Variants in PIK3C2A observed in about 807,000 individuals in gnomAD.
PIK3C2A encodes the protein phosphatidylinositol-4-phosphate 3-kinase catalytic subunit type 2 alpha.
PIK3C2A carries 97 observed loss-of-function variants against 204.5 expected under a neutral mutation model. The observed-to-expected ratio is 0.47, with a 90% CI of 0.40 to 0.56. PIK3C2A has a LOEUF of 0.56. Among genes scored for constraint, PIK3C2A ranks in the 20% least tolerant of loss-of-function variants. The pLI is 0.00. For synonymous variants in PIK3C2A, 653 were observed against 664.4 expected (o/e 0.98, Z 0.26); for missense variants, 1,735 against 1,969.2 (o/e 0.88, Z 2.25).
intron 20 of PIK3C2A, among the ~76,000 whole-genome samples, chr11:17,113,668 G>C (rs1365068113): frequency 6.6e-6 from 1 of 151,094 alleles, no homozygotes; most frequent in East Asian, 1.9e-4. Flanking sequence ...TGTAATCCCG[G>C]CTACTTGGGA....
At chr11:17,140,307 C>T (rs890130405) in intron 8 of PIK3C2A, among the ~76,000 whole-genome samples, 1 of 152,056 alleles carries the variant, frequency 6.6e-6, no homozygotes, top group Admixed American at 6.6e-5. Context: ...CTTGATCTCC[C>T]CCTAAAATCC....
chr11:17,180,257 A>G (rs1441285010), intron 1 of PIK3C2A, among the ~76,000 whole-genome samples: 2 of 152,020 alleles, frequency 1.3e-5, no homozygotes, highest in Non-Finnish European at 2.9e-5. Context: ...GGCACATGTT[A>G]CTCGGGAGTC....
intron 13 of PIK3C2A, among the ~76,000 whole-genome samples, chr11:17,128,410 T>A (rs1849592466): frequency 6.6e-6 from 1 of 151,744 alleles, no homozygotes; most frequent in Non-Finnish European, 1.5e-5. Flanking sequence ...AGCTAATGTT[T>A]ATATTTTTGG....
rs4757499 is a variant in PIK3C2A, at chr11:17,171,615, C to T, written c.-65-1809G>A. ...TTCCTTCATACAACTATTTTCCCTT[C>T]TGTGGTAGACTACAAAGCATGGGCA... On this transcript the variant is annotated intron_variant, in intron 1 of 32. Coordinates refer to ENST00000691414, the MANE Select transcript of PIK3C2A (RefSeq NM_002645.4). 0.027 allele frequency among the ~76,000 whole-genome samples: 4,037 copies of T among 152,234 alleles called. 545 individuals are homozygous for T. The East Asian group carries it at 0.42, about 16-fold the overall frequency.
At chr11:17,147,367 C>T (rs1164493754) in intron 6 of PIK3C2A, 150 bp downstream of exon 6, 7 of 580,284 alleles carry the variant, frequency 1.2e-5, no homozygotes, top group East Asian at 2.9e-5. Flanking sequence ...AACATCTCCC[C>T]TCATTTGCTA....
At chr11:17,175,197 A>G (rs1174392773) in intron 1 of PIK3C2A, among the ~76,000 whole-genome samples, 1 of 152,232 alleles carries the variant, frequency 6.6e-6, no homozygotes, top group African/African-American at 2.4e-5. Flanking sequence ...AATATATTTT[A>G]ATAGTGAGTA....
At chr11:17,160,901 A>G (rs193217623) in intron 2 of PIK3C2A, among the ~76,000 whole-genome samples, 57 of 152,346 alleles carry the variant, frequency 3.7e-4, no homozygotes, top group Non-Finnish European at 6.5e-4. Context: ...AGGAACAAAA[A>G]AAACAGTTAA....
Position 17,169,613 on chromosome 11 carries a change from T to C in PIK3C2A, c.129A>G (p.Gln43=). 6.2e-7 allele frequency: 1 copy of C among 1,614,126 alleles called. No homozygotes were observed. Among genetic ancestry groups the C allele is most frequent in the Non-Finnish European group, 8.5e-7 (1 of 1,180,022 alleles). The change falls in exon 2 of 33, where the codon CAA becomes CAG. Residue 43 remains glutamine (Q), a synonymous_variant. Transcript: ENST00000691414. ...QMEAEALAKL[Q]KDRQVTDNQR... is the part of the protein sequence containing the mutation. ...GATTGTCAGTCACTTGTCTATCCTT[T>C]TGCAGTTTTGCTAAAGCCTCTGCTT...
intron 21 of PIK3C2A, among the ~76,000 whole-genome samples, chr11:17,110,947 A>G (rs901621919): frequency 1.3e-5 from 2 of 152,032 alleles, no homozygotes; most frequent in Admixed American, 6.6e-5. Flanking sequence ...TTGCTCTATC[A>G]CCCAGGCTGG....
chr11:17,182,205 G>T (rs1721491436), intron 1 of PIK3C2A, among the ~76,000 whole-genome samples: 1 of 151,876 alleles, frequency 6.6e-6, no homozygotes, highest in Admixed American at 6.6e-5. Flanking sequence ...CTAGTGACTG[G>T]TTACCCAAGT....
intron 8 of PIK3C2A, among the ~76,000 whole-genome samples, chr11:17,140,954 G>A (rs1850044262): frequency 6.6e-6 from 1 of 152,118 alleles, no homozygotes; most frequent in Non-Finnish European, 1.5e-5. Flanking sequence ...CCATGCAAAT[G>A]TCACAGGGAA....
intron 11 of PIK3C2A, 77 bp downstream of exon 11, chr11:17,134,742 C>T (rs1475178873): frequency 9.6e-7 from 1 of 1,040,994 alleles, no homozygotes; most frequent in Non-Finnish European, 1.5e-6. Flanking sequence ...GTCAAGCAAT[C>T]CTCCCACTGT....
intron 1 of PIK3C2A, among the ~76,000 whole-genome samples, chr11:17,182,760 C>G (rs1258814859): frequency 6.6e-6 from 1 of 152,092 alleles, no homozygotes; most frequent in Non-Finnish European, 1.5e-5. Context: ...TAGAGTTTCT[C>G]AAATGTTCAT....
intron 1 of PIK3C2A, among the ~76,000 whole-genome samples, chr11:17,170,899 C>G (rs1479395032): frequency 6.6e-6 from 1 of 151,938 alleles, no homozygotes; most frequent in Non-Finnish European, 1.5e-5. Context: ...GTCAGGAGAT[C>G]GAGACCATCC....
Position 17,119,151 on chromosome 11 carries a change from T to A in PIK3C2A, c.2940+69A>T, listed in dbSNP as rs17847722. 166 of 861,412 alleles carry A rather than the reference T, an allele frequency of 1.9e-4. No individual in the cohort carries two copies. In the East Asian group the frequency reaches 4.0e-3, roughly 21 times the overall value. The allele number at this position is 861,412 out of a possible 1,614,324, so 53.4% of individuals were successfully genotyped here. The stretch of plus-strand genomic sequence containing the variant: ...ACTTTTAATCTAAACAGAATGGGGA[T>A]CCCTTAGCAAGTTCCCATAAAAAAC... On this transcript the variant is annotated intron_variant, in intron 17 of 32. Transcript: ENST00000691414.
In PIK3C2A at chr11:17,173,792, C is replaced by T. The variant is rs191821470; in HGVS notation, c.-65-3986G>A. On this transcript the variant is annotated intron_variant, in intron 1 of 32. Transcript: ENST00000691414. ...AATAAGAAACTTAATTTACTGAACA[C>T]GTGGGGTTTGTTTGTTTGTTTGTTT... is the stretch of plus-strand genomic sequence containing the variant. Among the ~76,000 whole-genome samples the T allele has an allele frequency of 7.2e-5, 11 of 152,120 alleles. No individual in the cohort carries two copies. In the East Asian group the frequency reaches 1.2e-3, roughly 16 times the overall value.
At chr11:17,187,374 A>T (rs1851787406) in intron 1 of PIK3C2A, among the ~76,000 whole-genome samples, 1 of 152,158 alleles carries the variant, frequency 6.6e-6, no homozygotes, top group African/African-American at 2.4e-5. Flanking sequence ...GTTTAAAATA[A>T]TAGCTTTATT....
chr11:17,153,983 G>A (rs2137444100), intron 3 of PIK3C2A, among the ~76,000 whole-genome samples: 1 of 152,268 alleles, frequency 6.6e-6, no homozygotes, highest in South Asian at 2.1e-4. Flanking sequence ...TACTGCTCTA[G>A]TATTTGTTGC....
chr11:17,138,325 C>CTTTTTTTTT (rs61085828), intron 8 of PIK3C2A: 1 of 335,722 alleles, frequency 3.0e-6, no homozygotes, highest in Non-Finnish European at 5.6e-6. Flanking sequence ...AGCCAGCTTC[C>CTTTTTTTTT]TTTTTTTTTT....
Sources: allele counts gnomAD v4.1 joint callset (sites outside exome capture counted in the v4.1 genomes callset), GRCh38; gene constraint gnomAD v4.1.1; transcripts MANE v1.5; gene names NCBI Gene and HGNC (gene_info 2026-07-23, HGNC 2026-07-21).